Variants in ZNF592 observed in about 807,000 individuals in gnomAD.
The protein encoded by ZNF592 is spinocerebellar ataxia, autosomal recessive 5.
In ZNF592, 11 loss-of-function variants were observed where a neutral mutation model predicts 80.3. The ratio of observed to expected loss-of-function variants is 0.14; its 90% CI spans 0.09 to 0.23. The LOEUF is 0.23. ZNF592 is among the 10% of genes least tolerant of loss of function. The pLI is 1.00. For synonymous variants in ZNF592, 646 were observed against 640.3 expected (o/e 1.01, Z -0.13); for missense variants, 1,420 against 1,633.9 (o/e 0.87, Z 2.26).
intron 5 of ZNF592, among the ~76,000 whole-genome samples, chr15:84,794,559 TC>T (rs1225167735): frequency 6.6e-6 from 1 of 151,982 alleles, no homozygotes; most frequent in African/African-American, 2.4e-5. Flanking sequence ...CACTGCAACC[TC>T]CGCCACCCCG....
At chr15:84,788,932 C>A (rs988088652) in intron 4 of ZNF592, among the ~76,000 whole-genome samples, 1 of 151,578 alleles carries the variant, frequency 6.6e-6, no homozygotes, top group African/African-American at 2.4e-5. Context: ...CTTTTTTGGC[C>A]GGGCATGGTG....
At chr15:84,754,187 C>T (rs1302383975) in intron 1 of ZNF592, among the ~76,000 whole-genome samples, 3 of 152,196 alleles carry the variant, frequency 2.0e-5, no homozygotes, top group Admixed American at 6.5e-5. Flanking sequence ...TATGGGCTGT[C>T]GTCCCCTGGT....
In ZNF592 at chr15:84,784,232, G is replaced by A. The variant is rs764812674; in HGVS notation, c.1557G>A (p.Val519=). 5 of 1,614,240 alleles carry A rather than the reference G, an allele frequency of 3.1e-6. No individual in the cohort carries two copies. The Admixed American group carries it at 8.3e-5, about 27-fold the overall frequency. ...NLVPHSVAAS[V]TAKSSVQRRS... is the part of the protein sequence containing the mutation. ...TCCCCCACAGTGTTGCTGCATCAGT[G>A]ACAGCCAAGTCTTCAGTGCAAAGAC... is the stretch of plus-strand genomic sequence containing the variant. Residue 519 remains valine, a synonymous_variant, in exon 4 of 11, where the codon GTG becomes GTA. Transcript: ENST00000560079. The surrounding 1 kb of genome is among the most constrained non-coding windows in gnomAD (Gnocchi z 5.8).
intron 3 of ZNF592, among the ~76,000 whole-genome samples, chr15:84,780,706 C>G (rs971927000): frequency 6.6e-6 from 1 of 152,114 alleles, no homozygotes; most frequent in Non-Finnish European, 1.5e-5. Context: ...ACCTGTTGAT[C>G]CCACGGGGTG....
At chr15:84,760,943 T>C (rs1899332235) in intron 1 of ZNF592, among the ~76,000 whole-genome samples, 2 of 151,352 alleles carry the variant, frequency 1.3e-5, no homozygotes, top group Admixed American at 1.3e-4. Flanking sequence ...GGCTTGGACC[T>C]AATATGGTAG....
intron 3 of ZNF592, 92 bp from the exon 4 acceptor site, chr15:84,782,565 G>T: frequency 8.4e-7 from 1 of 1,192,994 alleles, no homozygotes; most frequent in Non-Finnish European, 1.3e-6. Context: ...TGGGTGTGCT[G>T]GCTGTGTGTG....
intron 5 of ZNF592, among the ~76,000 whole-genome samples, chr15:84,794,666 G>A (rs1043009554): frequency 6.6e-6 from 1 of 152,002 alleles, no homozygotes; most frequent in Non-Finnish European, 1.5e-5. Context: ...TAGTAGAGAC[G>A]GGGTTTCACC....
intron 2 of ZNF592, among the ~76,000 whole-genome samples, chr15:84,765,686 A>G (rs913365483): frequency 1.3e-5 from 2 of 151,404 alleles, no homozygotes; most frequent in African/African-American, 4.9e-5. Context: ...CTACAGGTGC[A>G]TGCCACCATG....
At chr15:84,789,651 A>G (rs1017208330) in intron 4 of ZNF592, among the ~76,000 whole-genome samples, 5 of 152,166 alleles carry the variant, frequency 3.3e-5, no homozygotes, top group Non-Finnish European at 2.9e-5. Flanking sequence ...GACCTCCTCT[A>G]TTAGTTTAAA....
intron 10 of ZNF592, among the ~76,000 whole-genome samples, chr15:84,801,420 AGC>A (rs1963092550): frequency 6.6e-6 from 1 of 152,202 alleles, no homozygotes; most frequent in Admixed American, 6.5e-5. Context: ...GGATCGCTTA[AGC>A]CCGGTAGGTC....
In ZNF592 at chr15:84,764,775, A is replaced by G. The variant is rs982980244; in HGVS notation, c.-190A>G. On this transcript the variant is annotated 5_prime_UTR_variant, in exon 2 of 11. Transcript: ENST00000560079. ...CCTTTCTCCGCAGCTCTGCTCCCCT[A>G]GCAACGCTCGCCACACCCTTGTTTT... 5.0e-6 allele frequency: 2 copies of G among 398,966 alleles called. No individual in the cohort carries two copies. The highest frequency in any genetic ancestry group is 2.1e-5 in the African/African-American group (1 of 48,706). 24.7% of individuals were successfully genotyped at this position (398,966 alleles called of 1,614,324 possible).
intron 10 of ZNF592, among the ~76,000 whole-genome samples, chr15:84,800,894 TCTC>T (rs1441364185): frequency 6.6e-6 from 1 of 152,248 alleles, no homozygotes; most frequent in Non-Finnish European, 1.5e-5. Context: ...GTTGGGGACT[TCTC>T]ATCCCCACAT....
chr15:84,775,891 A>G (rs1474798161), intron 2 of ZNF592, among the ~76,000 whole-genome samples: 1 of 152,246 alleles, frequency 6.6e-6, no homozygotes, highest in Non-Finnish European at 1.5e-5. Context: ...GTAATAAACA[A>G]TATGAATTTA....
At chr15:84,752,039 G>A (rs1027441902) in intron 1 of ZNF592, among the ~76,000 whole-genome samples, 11 of 151,470 alleles carry the variant, frequency 7.3e-5, no homozygotes, top group African/African-American at 2.7e-4. Flanking sequence ...TGGGATTGCA[G>A]ACATGAGCCA....
At chr15:84,762,455 G>A (rs1000303277) in intron 1 of ZNF592, among the ~76,000 whole-genome samples, 1 of 152,208 alleles carries the variant, frequency 6.6e-6, no homozygotes, top group Non-Finnish European at 1.5e-5. Context: ...GGAGAAAAGA[G>A]CAAGTGCAAA....
intron 1 of ZNF592, among the ~76,000 whole-genome samples, chr15:84,754,963 G>GTTT (rs36104262): frequency 2.4e-4 from 27 of 110,692 alleles, no homozygotes; most frequent in African/African-American, 3.7e-4. Flanking sequence ...CCCCTGAGTT[G>GTTT]TTTTTTTTTT....
At chr15:84,768,982 C>T (rs1267021235) in intron 2 of ZNF592, among the ~76,000 whole-genome samples, 1 of 152,090 alleles carries the variant, frequency 6.6e-6, no homozygotes, top group Non-Finnish European at 1.5e-5. Context: ...CATCTGTTGC[C>T]CAGACTGGAG....
intron 5 of ZNF592, among the ~76,000 whole-genome samples, chr15:84,791,726 A>G (rs2141994303): frequency 6.6e-6 from 1 of 152,348 alleles, no homozygotes; most frequent in Non-Finnish European, 1.5e-5. Flanking sequence ...CACAATAGAG[A>G]AATGGTCAGG....
intron 1 of ZNF592, among the ~76,000 whole-genome samples, chr15:84,749,564 G>T (rs1898951366): frequency 6.6e-6 from 1 of 152,256 alleles, no homozygotes; most frequent in African/African-American, 2.4e-5. Context: ...TCCAGGACTA[G>T]TCTAGAATAG....
Sources: gnomAD v4.1 joint callset for allele counts (sites outside exome capture counted in the v4.1 genomes callset) on GRCh38, gnomAD v4.1.1 for gene constraint, Gnocchi (gnomAD v3.1) non-coding constraint, MANE v1.5 for transcripts, NCBI Gene and HGNC (gene_info 2026-07-23, HGNC 2026-07-21) for gene names.